Variants in GEMIN5 observed in about 807,000 individuals in gnomAD.
The protein encoded by GEMIN5 is gem nuclear organelle associated protein 5, also known as gem-associated protein 5.
A neutral mutation model predicts 176.9 loss-of-function variants in GEMIN5; 124 were observed. The ratio of observed to expected loss-of-function variants is 0.70; its 90% confidence interval spans 0.61 to 0.81. GEMIN5 has a LOEUF of 0.81. Among genes scored for constraint, GEMIN5 ranks in the 40% least tolerant of loss-of-function variants. GEMIN5 has a pLI of 0.00. For missense variants in GEMIN5, 1,843 were observed against 1,814.6 expected (o/e 1.02, Z -0.28); for synonymous variants, 673 against 665.2 (o/e 1.01, Z -0.18).
At chr5:154,919,481 TA>T (rs1763877848) in intron 11 of GEMIN5, among the ~76,000 whole-genome samples, 1 of 152,352 alleles carries the variant, frequency 6.6e-6, no homozygotes, top group South Asian at 2.1e-4. Flanking sequence ...TTATGTGTAT[TA>T]TTTTTGTAGC....
Position 154,907,776 on chromosome 5 carries a change from G to C in GEMIN5, c.2210C>G (p.Pro737Arg), listed in dbSNP as rs150976510. ...IELEKKRLSQ[P>R]KAKPKKKKKP... The stretch of plus-strand genomic sequence containing the variant: ...TTTCTTCTTTTTGGGCTTTGCCTTA[G>C]GTTGAGAGAGCCGTTTTTTCTCCAA... The change falls in exon 16 of 28, where the codon CCT becomes CGT. Residue 737 changes from proline (P) to arginine (R), a missense_variant. Transcript: ENST00000285873. The C allele has an allele frequency of 8.6e-4, 1,387 of 1,613,908 alleles. No individual in the cohort carries two copies. The highest frequency in any genetic ancestry group is 1.1e-3 in the Non-Finnish European group (1,315 of 1,179,986).
At chr5:154,891,782 C>G in intron 25 of GEMIN5, 40 bp from the exon 26 acceptor site, 1 of 1,528,462 alleles carries the variant, frequency 6.5e-7, no homozygotes. Context: ...ATGCATTTCT[C>G]TAGTTGCCAG....
At chr5:154,907,467 ACT>A in intron 16 of GEMIN5, 122 bp downstream of exon 16, 5 of 674,114 alleles carry the variant, frequency 7.4e-6, no homozygotes, top group East Asian at 2.7e-5. Context: ...AACAAAAAAA[ACT>A]AATGCTGTTT....
chr5:154,934,200 T>G (rs1317896443), intron 3 of GEMIN5, among the ~76,000 whole-genome samples: 2 of 152,104 alleles, frequency 1.3e-5, no homozygotes, highest in African/African-American at 2.4e-5. Context: ...TTGTTTGTTT[T>G]TTTGAGACAG....
intron 26 of GEMIN5, 54 bp downstream of exon 26, chr5:154,891,187 T>C (rs1763217201): frequency 6.5e-6 from 10 of 1,534,318 alleles, no homozygotes; most frequent in Non-Finnish European, 8.8e-6. Flanking sequence ...GAACCACTGT[T>C]CCTAGCCAGC....
rs146114513 is a variant in GEMIN5 at position 154,917,454 on chromosome 5, C to CA, written c.1674-276dup. ...GAAATTTTAACTTTCCACACTACCT[C>CA]AGTGTAACAATCTCCTAGCATTCTA... is the stretch of plus-strand genomic sequence containing the variant. On this transcript the variant is annotated intron_variant, in intron 12 of 27. Transcript: ENST00000285873. Among the ~76,000 whole-genome samples the CA allele has an allele frequency of 2.8e-3, 433 of 152,274 alleles. 2 individuals carry two copies. Among genetic ancestry groups the CA allele is most frequent in the African/African-American group, 9.7e-3 (405 of 41,560 alleles).
chr5:154,929,179 G>A (rs1253064494), intron 5 of GEMIN5, among the ~76,000 whole-genome samples: 2 of 152,150 alleles, frequency 1.3e-5, no homozygotes, highest in Non-Finnish European at 1.5e-5. Context: ...AGCTGAGATC[G>A]TGCCACTGCA....
chr5:154,934,977 T>C (rs1262102842), intron 3 of GEMIN5, among the ~76,000 whole-genome samples: 4 of 152,238 alleles, frequency 2.6e-5, no homozygotes, highest in African/African-American at 9.6e-5. Context: ...CAAATCTACC[T>C]GCACCTATTT....
chr5:154,914,440 A>T (rs1763772404), intron 13 of GEMIN5, among the ~76,000 whole-genome samples: 1 of 152,160 alleles, frequency 6.6e-6, no homozygotes, highest in Non-Finnish European at 1.5e-5. Flanking sequence ...GAAAAAAAAA[A>T]TCACTATTAA....
At chr5:154,893,289 G>C (rs1763278340) in intron 24 of GEMIN5, among the ~76,000 whole-genome samples, 1 of 150,050 alleles carries the variant, frequency 6.7e-6, no homozygotes, top group Non-Finnish European at 1.5e-5. Context: ...AATTAGCCGG[G>C]CTTGGTGGTG....
At chr5:154,926,111 AG>A in intron 7 of GEMIN5, 37 bp from the exon 8 acceptor site, 1 of 1,382,270 alleles carries the variant, frequency 7.2e-7, no homozygotes, top group Non-Finnish European at 1.0e-6. Flanking sequence ...AACATAAAAA[AG>A]AACAGAGAAA....
intron 10 of GEMIN5, 108 bp from the exon 11 acceptor site, chr5:154,920,211 T>C (rs886177833): frequency 1.3e-6 from 1 of 772,200 alleles, no homozygotes; most frequent in Admixed American, 3.3e-5. Flanking sequence ...AAAAGAACTA[T>C]ATATTTGAAA....
chr5:154,901,430 G>C lies in GEMIN5; in HGVS notation c.2923C>G (p.Gln975Glu), dbSNP rs754010625. 1 of 1,613,884 alleles carries C rather than the reference G, an allele frequency of 6.2e-7. No individual in the cohort carries two copies. Among genetic ancestry groups the C allele is most frequent in the Non-Finnish European group, 8.5e-7 (1 of 1,179,816 alleles). ...VEAFAKQLCF[Q>E]DQYVKAASHL... Reference sequence around the variant, plus strand: ...GAAGCAGCCTTGACATACTGATCCTGAAAACACAGCTGTTTGGCAAAAGCT... The same window carrying C: ...GAAGCAGCCTTGACATACTGATCCTCAAAACACAGCTGTTTGGCAAAAGCT... Residue 975 changes from glutamine to glutamate, a missense_variant, in exon 21 of 28, where the codon CAG becomes GAG. By Grantham distance (29) the Gln-to-Glu change is conservative. Transcript: ENST00000285873.
intron 6 of GEMIN5, among the ~76,000 whole-genome samples, chr5:154,927,899 G>A (rs1296037152): frequency 1.3e-5 from 2 of 152,054 alleles, no homozygotes; most frequent in African/African-American, 4.8e-5. Context: ...GCTGAGGTGG[G>A]AGAATTGCTT....
intron 24 of GEMIN5, among the ~76,000 whole-genome samples, chr5:154,895,341 A>G (rs1008271267): frequency 3.8e-5 from 5 of 130,478 alleles, no homozygotes; most frequent in Admixed American, 3.7e-4. Flanking sequence ...GAAAGGAAAA[A>G]AAAAAAAAAA....
intron 17 of GEMIN5, 145 bp from the exon 18 acceptor site, chr5:154,904,774 T>C (rs1763536616): frequency 1.7e-6 from 1 of 604,212 alleles, no homozygotes; most frequent in African/African-American, 1.9e-5. Flanking sequence ...GCTTTCAAAA[T>C]AAATTTGCTG....
At chr5:154,916,166 G>A (rs1273153192) in intron 13 of GEMIN5, among the ~76,000 whole-genome samples, 7 of 151,888 alleles carry the variant, frequency 4.6e-5, no homozygotes, top group African/African-American at 1.7e-4. Flanking sequence ...AGGATTACAG[G>A]TATGAGCCAC....
Position 154,896,214 on chromosome 5 carries a change from T to A in GEMIN5, c.3475A>T (p.Arg1159Trp). The A allele has an allele frequency of 1.2e-6, 2 of 1,613,900 alleles. No homozygotes were observed. The highest frequency in any genetic ancestry group is 1.7e-6 in the Non-Finnish European group (2 of 1,179,914). The change falls in exon 24 of 28, where the codon AGG becomes TGG. Residue 1159 changes from arginine to tryptophan, a missense_variant. By Grantham distance (101) the Arg-to-Trp change is moderately radical. Transcript: ENST00000285873. ...ATGCTCTTCCACACTGCAGTCACCC[T>A]CTCCACGAAAGGCCCTTCGGTGCCC... is the stretch of plus-strand genomic sequence containing the variant. ...NTGTEGPFVE[R>W]VTAVWKSIFS...
rs1764092748 is a variant in GEMIN5 at position 154,928,562 on chromosome 5, G to A, written c.879C>T (p.Ser293=). The A allele has an allele frequency of 1.2e-6, 2 of 1,614,032 alleles. No individual in the cohort carries two copies. Among genetic ancestry groups the A allele is most frequent in the Non-Finnish European group, 1.7e-6 (2 of 1,179,882 alleles). ...ERLWLTLHWP[S]NQPTQLVSSC... Reference sequence around the variant, plus strand: ...TAGATACCAGCTGTGTTGGTTGATTGCTGGGCCAATGGAGTGTCAACCAAA... The same window carrying A: ...TAGATACCAGCTGTGTTGGTTGATTACTGGGCCAATGGAGTGTCAACCAAA... Residue 293 remains serine, a synonymous_variant, in exon 6 of 28, where the codon AGC becomes AGT. Transcript: ENST00000285873.
Sources: allele counts gnomAD v4.1 joint callset (sites outside exome capture counted in the v4.1 genomes callset), GRCh38; gene constraint gnomAD v4.1.1; transcripts MANE v1.5; gene names NCBI Gene and HGNC (gene_info 2026-07-23, HGNC 2026-07-21).